The following RPS6KC1 variants were observed in gnomAD, a reference collection of about 807,000 sequenced individuals.
RPS6KC1 encodes ribosomal protein S6 kinase C1.
Under a neutral mutation model 103.8 loss-of-function variants are expected in RPS6KC1, and 54 were observed. The ratio of observed to expected loss-of-function variants is 0.52; its 90% CI spans 0.42 to 0.65. The LOEUF is 0.65. Ranked by LOEUF, RPS6KC1 falls within the 30% of genes least tolerant of loss-of-function variation. The pLI, the probability that RPS6KC1 is intolerant of heterozygous loss-of-function variation, is 0.00. For missense variants in RPS6KC1, 1,151 were observed against 1,253.8 expected (o/e 0.92, Z 1.24); for synonymous variants, 439 against 438.7 (o/e 1.00, Z -0.01).
the RPS6KC1 span, among the ~76,000 whole-genome samples, chr1:213,855,573 G>C: frequency 1.3e-5 from 2 of 152,162 alleles, no homozygotes; most frequent in Non-Finnish European, 2.9e-5. Context: ...CTCTTCTCCA[G>C]GGGGCTTGTG....
the RPS6KC1 span, among the ~76,000 whole-genome samples, chr1:213,664,344 G>T: frequency 6.7e-6 from 1 of 149,584 alleles, no homozygotes; most frequent in Non-Finnish European, 1.5e-5. Flanking sequence ...AAAAATAAAA[G>T]AAAGCATTAA....
At chr1:213,187,270 A>G (rs2092573058) in intron 8 of RPS6KC1, among the ~76,000 whole-genome samples, 1 of 134,076 alleles carries the variant, frequency 7.5e-6, no homozygotes, top group Non-Finnish European at 1.6e-5. Flanking sequence ...TTTTTTTGAG[A>G]CAGGATCTCA....
In RPS6KC1 at chr1:213,274,757, TAAA is replaced by T. The variant is rs1226960861; in HGVS notation, c.*2125_*2127del. ...AGAGTGGAATATGGGGTCAAAATCA[TAAA>T]AGAAGTTGCCATGAGTGTTTCTCAT... On this transcript the variant is annotated 3_prime_UTR_variant, in exon 15 of 15. Transcript: ENST00000366960. The T allele has an allele frequency of 1.3e-5, 2 of 152,232 alleles. No individual in the cohort carries two copies. Among genetic ancestry groups the T allele is most frequent in the Admixed American group, 6.5e-5 (1 of 15,290 alleles). 9.4% of individuals were successfully genotyped at this position (152,232 alleles called of 1,614,324 possible).
chr1:213,484,904 C>G, the RPS6KC1 span, among the ~76,000 whole-genome samples: 1 of 151,988 alleles, frequency 6.6e-6, no homozygotes, highest in Non-Finnish European at 1.5e-5. Flanking sequence ...ATTCTGTGAC[C>G]CAGGCTGGAA....
the RPS6KC1 span, among the ~76,000 whole-genome samples, chr1:213,752,594 C>T: frequency 6.6e-6 from 1 of 152,128 alleles, no homozygotes; most frequent in Non-Finnish European, 1.5e-5. Flanking sequence ...GAAAGTCATT[C>T]CATTGAATCA....
chr1:213,138,654 A>G (rs2086659149), intron 6 of RPS6KC1, among the ~76,000 whole-genome samples: 1 of 152,176 alleles, frequency 6.6e-6, no homozygotes, highest in Non-Finnish European at 1.5e-5. Flanking sequence ...TATGGCCTTC[A>G]GTTCCATCTT....
chr1:213,558,766 C>T, the RPS6KC1 span, among the ~76,000 whole-genome samples: 1 of 152,152 alleles, frequency 6.6e-6, no homozygotes, highest in African/African-American at 2.4e-5. Flanking sequence ...TGAGTTTCAG[C>T]CAATCAAAGG....
intron 6 of RPS6KC1, among the ~76,000 whole-genome samples, chr1:213,149,605 AG>A (rs1343409925): frequency 6.6e-6 from 1 of 152,202 alleles, no homozygotes; most frequent in African/African-American, 2.4e-5. Flanking sequence ...AGTGAGGCAA[AG>A]AATGTGGATT....
intron 5 of RPS6KC1, 102 bp from the exon 6 acceptor site, chr1:213,129,425 A>T (rs550052799): frequency 7.6e-7 from 1 of 1,313,906 alleles, no homozygotes; most frequent in South Asian, 1.5e-5. Flanking sequence ...CAGCCTTCCA[A>T]ATTGACTTGG....
the RPS6KC1 span, among the ~76,000 whole-genome samples, chr1:213,365,183 A>G: frequency 3.3e-5 from 5 of 152,268 alleles, no homozygotes; most frequent in South Asian, 1.0e-3. Context: ...TTAAGACGGT[A>G]TGCATTGTGT....
chr1:213,296,207 A>G, the RPS6KC1 span, among the ~76,000 whole-genome samples: 5 of 152,210 alleles, frequency 3.3e-5, no homozygotes, highest in African/African-American at 1.2e-4. Flanking sequence ...ATGTTTGTAC[A>G]TGTAAGAAGC....
the RPS6KC1 span, among the ~76,000 whole-genome samples, chr1:213,677,191 T>A: frequency 1.3e-5 from 2 of 152,348 alleles, no homozygotes; most frequent in Admixed American, 1.3e-4. Flanking sequence ...TAAGAGCATC[T>A]GGCCCTTTTA....
chr1:213,562,505 T>C, the RPS6KC1 span, among the ~76,000 whole-genome samples: 1 of 150,884 alleles, frequency 6.6e-6, no homozygotes, highest in Non-Finnish European at 1.5e-5. Flanking sequence ...TTCTCCTGCC[T>C]CAGCCTCCCA....
the RPS6KC1 span, among the ~76,000 whole-genome samples, chr1:213,797,630 C>T: frequency 3.3e-5 from 5 of 152,204 alleles, no homozygotes. Context: ...AAATGAAAAG[C>T]ATTTACATGA....
At chr1:213,064,011 AGT>A (rs1572278408) in intron 1 of RPS6KC1, among the ~76,000 whole-genome samples, 1 of 152,214 alleles carries the variant, frequency 6.6e-6, no homozygotes, top group African/African-American at 2.4e-5. Context: ...TAACTGAATC[AGT>A]GGCAGTTAAT....
the RPS6KC1 span, among the ~76,000 whole-genome samples, chr1:213,394,277 G>C: frequency 6.6e-6 from 1 of 152,138 alleles, no homozygotes. Flanking sequence ...GCTCATGCTC[G>C]TGCCAATGAT....
the RPS6KC1 span, among the ~76,000 whole-genome samples, chr1:213,364,586 C>A: frequency 6.6e-6 from 1 of 152,080 alleles, no homozygotes; most frequent in Non-Finnish European, 1.5e-5. Flanking sequence ...GTCTTTAAAC[C>A]ACAGATCTGG....
At chr1:213,582,088 C>A in the RPS6KC1 span, among the ~76,000 whole-genome samples, 1 of 139,302 alleles carries the variant, frequency 7.2e-6, no homozygotes, top group Non-Finnish European at 1.6e-5. Context: ...GATCAGGGAC[C>A]TTTTTTTTTT....
At chr1:213,783,815 CA>C in the RPS6KC1 span, among the ~76,000 whole-genome samples, 3,941 of 65,782 alleles carry the variant, frequency 0.06, 46 homozygotes, top group Admixed American at 0.092. Context: ...AAGATGTTGC[CA>C]AAAAAAAAAA....
Sources: gnomAD v4.1 joint callset for allele counts (sites outside exome capture counted in the v4.1 genomes callset) on GRCh38, gnomAD v4.1.1 for gene constraint, MANE v1.5 for transcripts, NCBI Gene and HGNC (gene_info 2026-07-23, HGNC 2026-07-21) for gene names.